The following AKT3 variants were observed in gnomAD, a reference collection of about 807,000 sequenced individuals.
AKT3 encodes the protein AKT serine/threonine kinase 3, also known as RAC-gamma serine/threonine-protein kinase.
In AKT3, 15 loss-of-function variants were observed where a neutral mutation model predicts 65.3. The observed-to-expected ratio is 0.23, with a 90% CI of 0.15 to 0.35. The LOEUF (loss-of-function observed/expected upper bound fraction) is 0.35. AKT3 is among the 10% of genes least tolerant of loss of function. The pLI is 1.00. For missense variants in AKT3, 243 were observed against 576.5 expected (o/e 0.42, Z 5.92); for synonymous variants, 206 against 183.8 (o/e 1.12, Z -0.98).
rs1007848720 is a variant in AKT3, at chr1:243,502,146, G to A, written c.*3103C>T. On this transcript the variant is annotated 3_prime_UTR_variant, in exon 14 of 14. Transcript: ENST00000673466. ...AATACTTTACATTTCATGCTTGCCT[G>A]TAATGCACTACCAGGAGCAAGATAA... 1 of 231,650 alleles carries A rather than the reference G, an allele frequency of 4.3e-6. No individual in the cohort carries two copies. The highest frequency in any genetic ancestry group is 8.5e-6 in the Non-Finnish European group (1 of 117,222). The allele number at this position is 231,650 out of a possible 1,614,324, so 14.3% of individuals were successfully genotyped here. A position where few individuals can be genotyped will look rare whatever the true frequency, so the allele number is the denominator to read the frequency against.
chr1:243,621,269 C>T (rs1177915460), intron 6 of AKT3, among the ~76,000 whole-genome samples: 2 of 152,134 alleles, frequency 1.3e-5, no homozygotes, highest in Admixed American at 1.3e-4. Flanking sequence ...TTTCAAAATG[C>T]GATCTTACTT....
chr1:243,503,100 T>TG lies in AKT3; in HGVS notation c.*2148dup, dbSNP rs1669423762. On this transcript the variant is annotated 3_prime_UTR_variant, in exon 14 of 14. Coordinates refer to ENST00000673466, the MANE Select transcript of AKT3 (RefSeq NM_005465.7). ...ATGAAACATTCAACATAATTCCAAG[T>TG]GAAAAAAAAAAGATTAGCTATGTGT... 4.3e-6 allele frequency: 1 copy of TG among 231,962 alleles called. No individual in the cohort carries two copies. The allele number at this position is 231,962 out of a possible 1,614,324, so 14.4% of individuals were successfully genotyped here.
At chr1:243,488,730 G>C (rs577162990) in intron 13 of AKT3, among the ~76,000 whole-genome samples, 1 of 152,290 alleles carries the variant, frequency 6.6e-6, no homozygotes, top group African/African-American at 2.4e-5. Context: ...CTGCTTGGGA[G>C]TTCAAAGCTT....
At chr1:243,743,574 ATAAC>A (rs895605066) in intron 2 of AKT3, among the ~76,000 whole-genome samples, 2 of 152,254 alleles carry the variant, frequency 1.3e-5, no homozygotes, top group Non-Finnish European at 1.5e-5. Context: ...GTTTTAGAAA[ATAAC>A]TAATTTACAA....
intron 10 of AKT3, among the ~76,000 whole-genome samples, chr1:243,563,218 AACCC>A (rs1187664692): frequency 3.3e-5 from 5 of 152,172 alleles, no homozygotes; most frequent in African/African-American, 1.2e-4. Context: ...ATTATTGTGG[AACCC>A]TTAGCACAGG....
Position 243,552,953 on chromosome 1 carries a change from A to C in AKT3, c.949-10T>G. On this transcript the variant is annotated splice_polypyrimidine_tract_variant and intron_variant, in intron 10 of 13. Transcript: ENST00000673466. ...CATTATCTTCTAACACCTAAAAGTG[A>C]AATCAGTAAAAAGATTAATTATTAC... The C allele has an allele frequency of 6.4e-7, 1 of 1,551,168 alleles. No individual in the cohort carries two copies. Among genetic ancestry groups the C allele is most frequent in the Non-Finnish European group, 8.8e-7 (1 of 1,142,226 alleles).
At chr1:243,578,365 G>A (rs538441063) in intron 8 of AKT3, among the ~76,000 whole-genome samples, 1 of 152,298 alleles carries the variant, frequency 6.6e-6, no homozygotes, top group Admixed American at 6.5e-5. Context: ...AAAAAGGAAT[G>A]AGCTCATGTC....
intron 2 of AKT3, among the ~76,000 whole-genome samples, chr1:243,720,538 G>C (rs1686821946): frequency 6.7e-6 from 1 of 150,260 alleles, no homozygotes; most frequent in African/African-American, 2.5e-5. Context: ...ATACTACATA[G>C]AGTTCTATGA....
chr1:243,729,633 A>G (rs1405868625), intron 2 of AKT3, among the ~76,000 whole-genome samples: 1 of 152,224 alleles, frequency 6.6e-6, no homozygotes, highest in Non-Finnish European at 1.5e-5. Flanking sequence ...AAATAATTAT[A>G]AAATGCTATT....
intron 5 of AKT3, among the ~76,000 whole-genome samples, chr1:243,642,597 C>G (rs1002759440): frequency 2.0e-5 from 3 of 152,224 alleles, no homozygotes; most frequent in Admixed American, 1.3e-4. Flanking sequence ...GCGTGAGCCA[C>G]CACGCCCAGC....
At chr1:243,730,905 C>T (rs1024629565) in intron 2 of AKT3, among the ~76,000 whole-genome samples, 1 of 152,232 alleles carries the variant, frequency 6.6e-6, no homozygotes, top group Non-Finnish European at 1.5e-5. Context: ...CCCAGAGCTG[C>T]CTGCCCCACC....
At chr1:243,668,222 A>G (rs947270467) in intron 3 of AKT3, among the ~76,000 whole-genome samples, 13 of 152,212 alleles carry the variant, frequency 8.5e-5, no homozygotes, top group Non-Finnish European at 1.6e-4. Context: ...ATAATCCAAC[A>G]AAGAAGGTAA....
At position 243,503,007 on chromosome 1, in the gene AKT3, T is replaced by C. The variant is rs1272269709; in HGVS notation, c.*2242A>G. The C allele has an allele frequency of 1.7e-5, 4 of 233,344 alleles. No individual in the cohort carries two copies. The highest frequency in any genetic ancestry group is 4.4e-5 in the African/African-American group (2 of 45,352). The allele number at this position is 233,344 out of a possible 1,614,324, so 14.5% of individuals were successfully genotyped here. A position where few individuals can be genotyped will look rare whatever the true frequency, so the allele number is the denominator to read the frequency against. ...AGCTTTCTGCTCTTCCTCTCACCTG[T>C]TTCTTTCTTATATAATGGATGCAAG... On this transcript the variant is annotated 3_prime_UTR_variant, in exon 14 of 14. Coordinates refer to ENST00000673466, the MANE Select transcript of AKT3 (RefSeq NM_005465.7).
At chr1:243,699,375 T>C (rs904525777) in intron 2 of AKT3, among the ~76,000 whole-genome samples, 1 of 150,016 alleles carries the variant, frequency 6.7e-6, no homozygotes, top group African/African-American at 2.5e-5. Flanking sequence ...CCCACCAATA[T>C]ACATCCAAAT....
chr1:243,830,749 AC>A (rs1397650528), intron 2 of AKT3, among the ~76,000 whole-genome samples: 3 of 152,176 alleles, frequency 2.0e-5, no homozygotes, highest in African/African-American at 7.2e-5. Context: ...AGCAAAAATT[AC>A]CCTTAAAATA....
intron 8 of AKT3, among the ~76,000 whole-genome samples, chr1:243,602,529 T>C (rs1677088014): frequency 6.6e-6 from 1 of 152,146 alleles, no homozygotes; most frequent in Non-Finnish European, 1.5e-5. Flanking sequence ...CTCCGTAAAT[T>C]AGTAAGGAGA....
intron 2 of AKT3, among the ~76,000 whole-genome samples, chr1:243,773,321 A>G (rs966981786): frequency 1.3e-5 from 2 of 151,984 alleles, no homozygotes; most frequent in African/African-American, 4.8e-5. Context: ...GAGTATGAGT[A>G]AAACAGAAGA....
At chr1:243,612,057 C>T (rs1033334460) in intron 8 of AKT3, among the ~76,000 whole-genome samples, 1 of 152,108 alleles carries the variant, frequency 6.6e-6, no homozygotes, top group Non-Finnish European at 1.5e-5. Flanking sequence ...CCCATACTGC[C>T]TAGGCACTCA....
intron 12 of AKT3, among the ~76,000 whole-genome samples, chr1:243,516,288 G>C (rs1670351674): frequency 6.6e-6 from 1 of 152,142 alleles, no homozygotes; most frequent in South Asian, 2.1e-4. Flanking sequence ...TTGGCATAAA[G>C]TTATACATAA....
Sources: gnomAD v4.1 joint callset for allele counts (sites outside exome capture counted in the v4.1 genomes callset) on GRCh38, gnomAD v4.1.1 for gene constraint, MANE v1.5 for transcripts, NCBI Gene and HGNC (gene_info 2026-07-23, HGNC 2026-07-21) for gene names.